The following APBA1 variants were observed in gnomAD, a reference collection of about 807,000 sequenced individuals.
APBA1 encodes the protein amyloid beta precursor protein binding family A member 1, also known as amyloid-beta A4 precursor protein-binding family A member 1.
In APBA1, 55 loss-of-function variants were observed where a neutral mutation model predicts 86.6. The ratio of observed to expected loss-of-function variants is 0.64; its 90% CI spans 0.51 to 0.80. APBA1 has a LOEUF of 0.80. Among genes scored for constraint, APBA1 ranks in the 30% least tolerant of loss-of-function variants. The pLI is 0.00. For missense variants in APBA1, 1,090 were observed against 1,183.0 expected, an observed-to-expected ratio of 0.92 and a Z score of 1.15; for synonymous variants, 511 against 493.9, an observed-to-expected ratio of 1.03 and a Z score of -0.46.
rs190059406 is a variant in APBA1, at chr9:69,587,951, G to A, written c.-69-70672C>T. 5.9e-5 allele frequency among the ~76,000 whole-genome samples: 9 copies of A among 151,782 alleles called. No individual in the cohort carries two copies. In the South Asian group the frequency reaches 6.3e-4, roughly 11 times the overall value. On this transcript the variant is annotated intron_variant, in intron 1 of 12. Transcript: ENST00000265381. Reference sequence around the variant, plus strand: ...TGAGGCAGGAGAATCGTTTGAACCCGGGAGGTGGAGGTTGCAGTGAATTGA... The same window carrying A: ...TGAGGCAGGAGAATCGTTTGAACCCAGGAGGTGGAGGTTGCAGTGAATTGA...
chr9:69,518,152 TA>T (rs1269101780), intron 1 of APBA1, among the ~76,000 whole-genome samples: 5 of 152,052 alleles, frequency 3.3e-5, no homozygotes, highest in African/African-American at 4.8e-5. Context: ...AATACAACAA[TA>T]AAAAATAATG....
At chr9:69,521,598 C>T (rs532495450) in intron 1 of APBA1, among the ~76,000 whole-genome samples, 1 of 152,224 alleles carries the variant, frequency 6.6e-6, no homozygotes, top group African/African-American at 2.4e-5. Flanking sequence ...AACAAGATAA[C>T]TTCATAGGGA....
At chr9:69,447,791 T>A (rs1253720159) in intron 10 of APBA1, among the ~76,000 whole-genome samples, 10 of 152,058 alleles carry the variant, frequency 6.6e-5, no homozygotes, top group Non-Finnish European at 2.9e-5. Flanking sequence ...CCACACATAT[T>A]CTCAGAGCAT....
At chr9:69,558,782 C>T (rs1836904673) in intron 1 of APBA1, among the ~76,000 whole-genome samples, 1 of 152,040 alleles carries the variant, frequency 6.6e-6, no homozygotes, top group African/African-American at 2.4e-5. Context: ...TCTTTGCATC[C>T]ATGAGTTCTC....
chr9:69,476,530 T>C (rs1439390661), intron 2 of APBA1, among the ~76,000 whole-genome samples: 1 of 152,240 alleles, frequency 6.6e-6, no homozygotes, highest in Non-Finnish European at 1.5e-5. Context: ...GAATGTCTTA[T>C]AAAATTGCCT....
chr9:69,642,581 G>A (rs972964796), intron 1 of APBA1, among the ~76,000 whole-genome samples: 3 of 152,080 alleles, frequency 2.0e-5, no homozygotes, highest in Admixed American at 2.0e-4. Context: ...AATTGGCAGA[G>A]CCACAGTGCC....
At chr9:69,554,444 GA>G (rs1836831762) in intron 1 of APBA1, among the ~76,000 whole-genome samples, 1 of 152,138 alleles carries the variant, frequency 6.6e-6, no homozygotes, top group Non-Finnish European at 1.5e-5. Flanking sequence ...TTCTATACTT[GA>G]AGAAGTTAGA....
At chr9:69,671,713 C>G (rs969481775) in intron 1 of APBA1, among the ~76,000 whole-genome samples, 1 of 152,166 alleles carries the variant, frequency 6.6e-6, no homozygotes, top group Non-Finnish European at 1.5e-5. Flanking sequence ...CCCACCTCAC[C>G]GTTTCCATCA....
intron 5 of APBA1, chr9:69,462,804 G>C (rs1835212046): frequency 6.6e-6 from 1 of 152,202 alleles, no homozygotes; most frequent in South Asian, 2.1e-4. Flanking sequence ...CCAAACGCTG[G>C]TGCAGAGCAG....
intron 1 of APBA1, among the ~76,000 whole-genome samples, chr9:69,654,784 G>C (rs1318798145): frequency 1.3e-5 from 2 of 152,154 alleles, no homozygotes. Context: ...TATTCCTAAT[G>C]AATATAGATG....
intron 1 of APBA1, among the ~76,000 whole-genome samples, chr9:69,608,132 C>T (rs1416981889): frequency 6.6e-6 from 1 of 152,300 alleles, no homozygotes; most frequent in East Asian, 1.9e-4. Context: ...AAATATCCTA[C>T]AGCTAATTCT....
intron 1 of APBA1, among the ~76,000 whole-genome samples, chr9:69,588,268 G>A (rs1270382486): frequency 6.6e-6 from 1 of 152,050 alleles, no homozygotes; most frequent in African/African-American, 2.4e-5. Context: ...ACAGAAAAGG[G>A]GGCAATGTCA....
chr9:69,482,243 C>G (rs916935903), intron 2 of APBA1, among the ~76,000 whole-genome samples: 13 of 150,126 alleles, frequency 8.7e-5, no homozygotes, highest in Non-Finnish European at 1.8e-4. Flanking sequence ...GGCTAATATT[C>G]AGAATCTACA....
chr9:69,517,560 A>G (rs1029333180), intron 1 of APBA1, among the ~76,000 whole-genome samples: 1 of 152,198 alleles, frequency 6.6e-6, no homozygotes, highest in African/African-American at 2.4e-5. Context: ...CATACGATTC[A>G]GGTCCCATTT....
chr9:69,440,061 T>A (rs1335027157), intron 11 of APBA1, among the ~76,000 whole-genome samples: 3 of 152,234 alleles, frequency 2.0e-5, no homozygotes, highest in Non-Finnish European at 4.4e-5. Flanking sequence ...CAGACCCTGT[T>A]TGCCTGGGTA....
At chr9:69,499,609 G>A (rs1243866453) in intron 2 of APBA1, among the ~76,000 whole-genome samples, 2 of 151,036 alleles carry the variant, frequency 1.3e-5, no homozygotes, top group East Asian at 3.9e-4. Flanking sequence ...GCTCTAACAA[G>A]TCTTAATGAA....
At chr9:69,584,526 T>C (rs1348208026) in intron 1 of APBA1, among the ~76,000 whole-genome samples, 1 of 152,194 alleles carries the variant, frequency 6.6e-6, no homozygotes, top group Non-Finnish European at 1.5e-5. Flanking sequence ...GGCAAGTTAC[T>C]TAACCTCTCT....
intron 2 of APBA1, among the ~76,000 whole-genome samples, chr9:69,489,918 G>A (rs1034294968): frequency 9.9e-5 from 15 of 152,160 alleles, no homozygotes; most frequent in Admixed American, 2.0e-4. Context: ...TCAGTGTGGC[G>A]ATTCCTCAGG....
chr9:69,450,061 T>TTTTTTG (rs1465140689), intron 9 of APBA1, among the ~76,000 whole-genome samples: 22 of 144,750 alleles, frequency 1.5e-4, no homozygotes, highest in African/African-American at 6.0e-4. Flanking sequence ...CACCAGTTTT[T>TTTTTTG]TTTTTTTTTT....
Sources: allele counts gnomAD v4.1 joint callset (sites outside exome capture counted in the v4.1 genomes callset), GRCh38; gene constraint gnomAD v4.1.1; transcripts MANE v1.5; gene names NCBI Gene and HGNC (gene_info 2026-07-23, HGNC 2026-07-21).